ZBTB44: variants seen among roughly 807,000 people sequenced by gnomAD.
The protein encoded by ZBTB44 is zinc finger and BTB domain-containing protein 44.
A neutral mutation model predicts 54.0 loss-of-function variants in ZBTB44; 15 were observed. The observed-to-expected ratio is 0.28, with a 90% CI of 0.19 to 0.43. ZBTB44 has a LOEUF of 0.43. ZBTB44 is among the 20% of genes least tolerant of loss of function. ZBTB44 has a pLI of 1.00. For synonymous variants in ZBTB44, 230 were observed against 250.1 expected, an observed-to-expected ratio of 0.92 and a Z score of 0.76; for missense variants, 487 against 707.1, an observed-to-expected ratio of 0.69 and a Z score of 3.53.
intron 2 of ZBTB44, among the ~76,000 whole-genome samples, chr11:130,259,424 A>T (rs1286320685): frequency 6.6e-6 from 1 of 152,156 alleles, no homozygotes; most frequent in Non-Finnish European, 1.5e-5. Flanking sequence ...AAACAGAAAT[A>T]CCATTCGACC....
At position 130,244,497 on chromosome 11, in the gene ZBTB44, C is replaced by A. The variant is rs149671852; in HGVS notation, c.1019-4601G>T. 5.2e-3 allele frequency among the ~76,000 whole-genome samples: 791 copies of A among 152,042 alleles called. 12 individuals carry two copies. The highest frequency in any genetic ancestry group is 0.018 in the African/African-American group (760 of 41,474). On this transcript the variant is annotated intron_variant, in intron 2 of 7. Transcript: ENST00000357899. ...CCTGGCTAACACGGTGAAACCCCAT[C>A]TCTACTAAAAGTACAAAAAATTAGC...
intron 1 of ZBTB44, among the ~76,000 whole-genome samples, chr11:130,272,424 A>G (rs1037973556): frequency 2.0e-5 from 3 of 152,196 alleles, no homozygotes; most frequent in African/African-American, 7.2e-5. Flanking sequence ...TTCCTTGTCC[A>G]TTTGGAGCTC....
intron 1 of ZBTB44, among the ~76,000 whole-genome samples, chr11:130,264,570 T>C (rs895353251): frequency 6.6e-6 from 1 of 152,144 alleles, no homozygotes. Context: ...CATGAGTACC[T>C]CCCGTAAGTC....
chr11:130,283,096 G>T (rs1469346310), intron 1 of ZBTB44, among the ~76,000 whole-genome samples: 1 of 143,030 alleles, frequency 7.0e-6, no homozygotes, highest in Non-Finnish European at 1.5e-5. Context: ...GACTGCTGGA[G>T]TGTAGTGGCG....
At chr11:130,265,107 C>T (rs1939153953) in intron 1 of ZBTB44, among the ~76,000 whole-genome samples, 1 of 152,178 alleles carries the variant, frequency 6.6e-6, no homozygotes, top group Non-Finnish European at 1.5e-5. Context: ...ATTCCCCCAT[C>T]TCTCTCCTCC....
intron 1 of ZBTB44, among the ~76,000 whole-genome samples, chr11:130,262,643 G>C (rs1242578611): frequency 1.3e-5 from 2 of 151,334 alleles, no homozygotes; most frequent in African/African-American, 4.9e-5. Context: ...TGTAAACACT[G>C]AACAATCCAT....
intron 1 of ZBTB44, among the ~76,000 whole-genome samples, chr11:130,265,917 C>T (rs938773933): frequency 6.6e-6 from 1 of 152,168 alleles, no homozygotes; most frequent in Admixed American, 6.5e-5. Context: ...GTGCTGATGT[C>T]GAAGCTGCAA....
At position 130,273,044 on chromosome 11, in the gene ZBTB44, C is replaced by T. The variant is rs142497789; in HGVS notation, c.-56-11115G>A. ...TGGCTATTCTGGGTCCCCTGCAACT[C>T]CATATTAATTTCAGAATCAGACTGT... On this transcript the variant is annotated intron_variant, in intron 1 of 7. Transcript: ENST00000357899. Among the ~76,000 whole-genome samples the T allele has an allele frequency of 2.1e-3, 315 of 152,218 alleles. 1 individual carries two copies. Among genetic ancestry groups the T allele is most frequent in the Middle Eastern group, 3.4e-3 (1 of 294 alleles).
chr11:130,268,898 AGAGAGAG>A (rs1157549874), intron 1 of ZBTB44, among the ~76,000 whole-genome samples: 6 of 151,482 alleles, frequency 4.0e-5, no homozygotes, highest in African/African-American at 1.5e-4. Context: ...TAAGAGAGAG[AGAGAGAG>A]AAAAAAAGAA....
intron 1 of ZBTB44, among the ~76,000 whole-genome samples, chr11:130,262,848 A>G (rs904868727): frequency 1.3e-5 from 2 of 152,206 alleles, no homozygotes; most frequent in Non-Finnish European, 2.9e-5. Flanking sequence ...GCTTGAGCTC[A>G]GGAGTCCAAG....
chr11:130,255,898 CAAA>C (rs66874715), intron 2 of ZBTB44, among the ~76,000 whole-genome samples: 4,924 of 93,438 alleles, frequency 0.053, 231 homozygotes, highest in African/African-American at 0.15. Flanking sequence ...GGCAAAACCT[CAAA>C]AAAAAAAAAA....
At chr11:130,309,595 T>C (rs914400576) in intron 1 of ZBTB44, among the ~76,000 whole-genome samples, 26 of 152,120 alleles carry the variant, frequency 1.7e-4, no homozygotes, top group African/African-American at 6.0e-4. Context: ...TGGAGTCACC[T>C]GGGCGCAGTG....
At chr11:130,301,203 A>G (rs1477611479) in intron 1 of ZBTB44, among the ~76,000 whole-genome samples, 2 of 152,190 alleles carry the variant, frequency 1.3e-5, no homozygotes, top group East Asian at 3.9e-4. Context: ...GAGAGGAAAG[A>G]AAGAGTACAG....
chr11:130,235,554 CAGG>C (rs777917287), intron 5 of ZBTB44, among the ~76,000 whole-genome samples: 31 of 152,046 alleles, frequency 2.0e-4, no homozygotes, highest in Non-Finnish European at 2.9e-4. Flanking sequence ...GTAGCCCCAG[CAGG>C]AGAACTGCTT....
intron 2 of ZBTB44, among the ~76,000 whole-genome samples, chr11:130,258,987 G>C (rs1938646890): frequency 6.6e-6 from 1 of 152,136 alleles, no homozygotes; most frequent in Admixed American, 6.6e-5. Flanking sequence ...TTACTACAAA[G>C]AGAATAAAAT....
At chr11:130,287,499 G>C (rs187987475) in intron 1 of ZBTB44, among the ~76,000 whole-genome samples, 143 of 152,228 alleles carry the variant, frequency 9.4e-4, no homozygotes, top group African/African-American at 3.3e-3. Flanking sequence ...AAAACAGTAA[G>C]AATGGTGAAA....
rs78312909 is a variant in ZBTB44 at position 130,264,442 on chromosome 11, C to G, written c.-56-2513G>C. Among the ~76,000 whole-genome samples, 35 of 152,226 alleles carry G rather than the reference C, an allele frequency of 2.3e-4. No homozygotes were observed. The East Asian group carries it at 6.4e-3, about 28-fold the overall frequency. ...TGGGAAAGGAGGGAAAGCTTTTACT[C>G]TAAGTTTATTAGTTCTTGAAAAGAT... On this transcript the variant is annotated intron_variant, in intron 1 of 7. Transcript: ENST00000357899.
At position 130,261,686 on chromosome 11, in the gene ZBTB44, T is replaced by G. The variant is rs751090711; in HGVS notation, c.188A>C (p.Gln63Pro). The G allele has an allele frequency of 4.9e-5, 79 of 1,613,958 alleles. No homozygotes were observed. The highest frequency in any genetic ancestry group is 8.3e-5 in the Admixed American group (5 of 60,006). Residue 63 changes from glutamine to proline, a missense_variant, in exon 2 of 8, where the codon CAA becomes CCA. Coordinates refer to ENST00000357899, the MANE Select transcript of ZBTB44 (RefSeq NM_001301098.2). This position sits in a 1 kb window ranked among gnomAD's most constrained non-coding sequence, Gnocchi z 4.8. The stretch of plus-strand genomic sequence containing the variant: ...CACATTCTTGTTCTCATCCTCGGCT[T>G]GGCCTACAAGTTTGGTGCGAAAGAA... ...SDFFRTKLVG[Q>P]AEDENKNVLD...
chr11:130,254,837 A>G (rs537563921), intron 2 of ZBTB44, among the ~76,000 whole-genome samples: 20 of 152,304 alleles, frequency 1.3e-4, no homozygotes, highest in Admixed American at 1.1e-3. Context: ...AATGTCATCA[A>G]TGATAGACAG....
Sources: allele counts gnomAD v4.1 joint callset (sites outside exome capture counted in the v4.1 genomes callset), GRCh38; gene constraint gnomAD v4.1.1; non-coding constraint Gnocchi (gnomAD v3.1); transcripts MANE v1.5; gene names NCBI Gene and HGNC (gene_info 2026-07-23, HGNC 2026-07-21).